The following CAND1 variants were observed in gnomAD, a reference collection of about 807,000 sequenced individuals.
CAND1 encodes cullin-associated NEDD8-dissociated protein 1.
Under a neutral mutation model 108.5 loss-of-function variants are expected in CAND1, and 7 were observed. That is an observed-to-expected ratio of 0.06 (90% CI 0.04 to 0.12). CAND1 has a LOEUF of 0.12. CAND1 is among the 10% of genes least tolerant of loss of function. The probability of loss-of-function intolerance (pLI) is 1.00; values close to 1 mark genes in which losing one functional copy is unlikely to be tolerated. For synonymous variants in CAND1, 534 were observed against 512.0 expected (o/e 1.04, Z -0.58); for missense variants, 941 against 1,448.7 (o/e 0.65, Z 5.69).
At chr12:67,302,200 G>T in intron 7 of CAND1, 123 bp from the exon 8 acceptor site, 1 of 755,658 alleles carries the variant, frequency 1.3e-6, no homozygotes, top group South Asian at 1.9e-5. Flanking sequence ...CCTACCTGTT[G>T]CTGTATATGT....
At chr12:67,310,512 C>T (rs1251296917) in intron 13 of CAND1, 196 bp downstream of exon 13, 1 of 405,648 alleles carries the variant, frequency 2.5e-6, no homozygotes, top group African/African-American at 2.0e-5. Flanking sequence ...GATCCAGAGC[C>T]CTTTTTATTG....
At position 67,269,658 on chromosome 12, in the gene CAND1, C is replaced by CGGCAGCGGCAGCG. The variant is rs1407709233; in HGVS notation, c.-53_-41dup. 6 of 1,459,580 alleles carry CGGCAGCGGCAGCG rather than the reference C, an allele frequency of 4.1e-6. No homozygotes were observed. The East Asian group carries it at 9.9e-5, about 24-fold the overall frequency. 90.4% of individuals were successfully genotyped at this position (1,459,580 alleles called of 1,614,324 possible). A position where few individuals can be genotyped will look rare whatever the true frequency, so the allele number is the denominator to read the frequency against. On this transcript the variant is annotated 5_prime_UTR_variant, in exon 1 of 15. Coordinates refer to ENST00000545606, the MANE Select transcript of CAND1 (RefSeq NM_018448.5). The stretch of plus-strand genomic sequence containing the variant: ...GGAGCTCCAGTGGCGGCGGCGGCGG[C>CGGCAGCGGCAGCG]GGCAGCGGCAGCGGGCAGCAGCTCC...
At chr12:67,275,462 G>A (rs2044560332) in intron 1 of CAND1, among the ~76,000 whole-genome samples, 1 of 152,106 alleles carries the variant, frequency 6.6e-6, no homozygotes, top group Non-Finnish European at 1.5e-5. Flanking sequence ...GCGAGGCAGA[G>A]GTTGCGTGAG....
At chr12:67,284,343 G>GTAT (rs1292455201) in intron 2 of CAND1, among the ~76,000 whole-genome samples, 1 of 151,644 alleles carries the variant, frequency 6.6e-6, no homozygotes, top group Non-Finnish European at 1.5e-5. Flanking sequence ...ATATAGCAGT[G>GTAT]TATTATTAGT....
intron 8 of CAND1, among the ~76,000 whole-genome samples, chr12:67,303,891 C>T (rs1033935092): frequency 6.6e-6 from 1 of 151,838 alleles, no homozygotes; most frequent in African/African-American, 2.4e-5. Flanking sequence ...GTCTTGTTTC[C>T]TTTGATTTTT....
chr12:67,314,955 C>T lies in CAND1; in HGVS notation c.*2125C>T, dbSNP rs1338548480. The T allele has an allele frequency of 6.6e-6, 1 of 152,138 alleles. No homozygotes were observed. The highest frequency in any genetic ancestry group is 2.4e-5 in the African/African-American group (1 of 41,414). The allele number at this position is 152,138 out of a possible 1,614,324, so 9.4% of individuals were successfully genotyped here. On this transcript the variant is annotated 3_prime_UTR_variant, in exon 15 of 15. Transcript: ENST00000545606. ...TCCATACTCCTAGTGGTGATGTGGTCCAGATACTGGAATGGAAGTGGCAGG... is the reference window on the plus strand; with the variant it reads ...TCCATACTCCTAGTGGTGATGTGGTTCAGATACTGGAATGGAAGTGGCAGG...
intron 11 of CAND1, 105 bp from the exon 12 acceptor site, chr12:67,309,796 C>A: frequency 1.3e-6 from 1 of 787,534 alleles, no homozygotes; most frequent in African/African-American, 1.8e-5. Flanking sequence ...GAAGAAATAA[C>A]AATGACACCA....
In CAND1 at chr12:67,305,021, A is replaced by G; in HGVS notation, c.1436-83A>G. ...AATAATATAATGAAGTGGGAACATT[A>G]GCAGTACTATAGGGGTTGATTTTTA... is the stretch of plus-strand genomic sequence containing the variant. On this transcript the variant is annotated intron_variant, in intron 9 of 14. Coordinates refer to ENST00000545606, the MANE Select transcript of CAND1 (RefSeq NM_018448.5). This position sits in a 1 kb window ranked among gnomAD's most constrained non-coding sequence, Gnocchi z 4.4. 9.0e-7 allele frequency: 1 copy of G among 1,112,182 alleles called. No homozygotes were observed. The highest frequency in any genetic ancestry group is 1.3e-6 in the Non-Finnish European group (1 of 781,118). 68.9% of individuals were successfully genotyped at this position (1,112,182 alleles called of 1,614,324 possible). A position where few individuals can be genotyped will look rare whatever the true frequency, so the allele number is the denominator to read the frequency against.
chr12:67,306,448 C>T lies in CAND1; in HGVS notation c.2780C>T (p.Pro927Leu), dbSNP rs1441788638. 6.2e-7 allele frequency: 1 copy of T among 1,613,878 alleles called. No homozygotes were observed. The highest frequency in any genetic ancestry group is 1.3e-5 in the African/African-American group (1 of 74,906). The change falls in exon 10 of 15, where the codon CCA becomes CTA. Residue 927 changes from proline (P) to leucine (L), a missense_variant. Physicochemically the swap from Pro to Leu is moderately conservative, Grantham distance 98. Transcript: ENST00000545606. Reference sequence around the variant, plus strand: ...TCTGCATCAGTGGTGGGCCTTAAACCATATGTTGAAAACATCTGGGCCTTA... The same window carrying T: ...TCTGCATCAGTGGTGGGCCTTAAACTATATGTTGAAAACATCTGGGCCTTA... Reference protein sequence around the residue: ...ISSASVVGLKPYVENIWALLL... With the variant: ...ISSASVVGLKLYVENIWALLL...
At position 67,302,391 on chromosome 12, in the gene CAND1, T is replaced by C. The variant is rs769385468; in HGVS notation, c.1069T>C (p.Leu357=). 3 of 1,614,126 alleles carry C rather than the reference T, an allele frequency of 1.9e-6. No individual in the cohort carries two copies. The highest frequency in any genetic ancestry group is 2.5e-6 in the Non-Finnish European group (3 of 1,179,958). Residue 357 remains leucine, a synonymous_variant, in exon 8 of 15, where the codon TTG becomes CTG. Transcript: ENST00000545606. ...WKVRRAAAKC[L]DAVVSTRHEM... is the part of the protein sequence containing the mutation. ...AGTGAGACGTGCAGCTGCGAAGTGC[T>C]TGGATGCTGTAGTTAGCACAAGGCA...
At position 67,305,372 on chromosome 12, in the gene CAND1, A is replaced by G. The variant is rs149462619; in HGVS notation, c.1704A>G (p.Leu568=). Residue 568 remains leucine, a synonymous_variant, in exon 10 of 15, where the codon CTA becomes CTG. Coordinates refer to ENST00000545606, the MANE Select transcript of CAND1 (RefSeq NM_018448.5). This position sits in a 1 kb window ranked among gnomAD's most constrained non-coding sequence, Gnocchi z 4.4. ...ATGCAACTCCTTATATCAAAGATCT[A>G]TTTACCTGTACCATTAAGAGATTAA... is the stretch of plus-strand genomic sequence containing the variant. ...SFDATPYIKD[L]FTCTIKRLKA... The G allele has an allele frequency of 2.4e-5, 38 of 1,614,030 alleles. No individual in the cohort carries two copies. In the African/African-American group the frequency reaches 4.5e-4, roughly 19 times the overall value.
In CAND1 at chr12:67,306,123, G is replaced by A. The variant is rs374777050; in HGVS notation, c.2455G>A (p.Gly819Ser). Residue 819 changes from glycine (G) to serine (S), a missense_variant, in exon 10 of 15, where the codon GGT (glycine) becomes AGT (serine). By Grantham distance (56) the Gly-to-Ser change is moderately conservative. Transcript: ENST00000545606. ...ACPKEGPAVV[G>S]QFIQDVKNSR... ...CCCTAAAGAGGGACCAGCTGTAGTA[G>A]GTCAGTTTATTCAAGATGTCAAGAA... is the stretch of plus-strand genomic sequence containing the variant. 29 of 1,613,972 alleles carry A rather than the reference G, an allele frequency of 1.8e-5. No individual in the cohort carries two copies. The highest frequency in any genetic ancestry group is 3.3e-4 in the Middle Eastern group (2 of 6,084).
At chr12:67,294,969 A>G (rs1030991564) in intron 3 of CAND1, 64 bp from the exon 4 acceptor site, 13 of 1,545,744 alleles carry the variant, frequency 8.4e-6, no homozygotes, top group Non-Finnish European at 1.1e-5. Flanking sequence ...GGTAACTACC[A>G]TGAATATAAG....
At position 67,269,470 on chromosome 12, in the gene CAND1, C is replaced by G. The variant is rs2044494348; in HGVS notation, c.-248C>G. Reference sequence around the variant, plus strand: ...ACGCCCCGCCGCCCATGAGCTCGTTCTCACGCGAACAGCGCCGTCGTTAGG... The same window carrying G: ...ACGCCCCGCCGCCCATGAGCTCGTTGTCACGCGAACAGCGCCGTCGTTAGG... On this transcript the variant is annotated 5_prime_UTR_variant, in exon 1 of 15. Transcript: ENST00000545606. 2.0e-6 allele frequency: 1 copy of G among 509,666 alleles called. No homozygotes were observed. Among genetic ancestry groups the G allele is most frequent in the Non-Finnish European group, 3.4e-6 (1 of 292,894 alleles). The allele number at this position is 509,666 out of a possible 1,614,324, so 31.6% of individuals were successfully genotyped here.
intron 1 of CAND1, 61 bp from the exon 2 acceptor site, chr12:67,281,849 A>G: frequency 2.4e-6 from 3 of 1,231,514 alleles, no homozygotes; most frequent in Non-Finnish European, 2.2e-6. Context: ...TTGAAAAATC[A>G]TTATCTTTTT....
intron 1 of CAND1, among the ~76,000 whole-genome samples, chr12:67,279,226 A>AC (rs1433331674): frequency 6.6e-6 from 1 of 151,754 alleles, no homozygotes; most frequent in African/African-American, 2.4e-5. Context: ...TCCCATGCAA[A>AC]CCCCTGTTCA....
chr12:67,289,600 T>G (rs1022788151), intron 2 of CAND1, among the ~76,000 whole-genome samples: 2 of 152,218 alleles, frequency 1.3e-5, no homozygotes, highest in Non-Finnish European at 1.5e-5. Flanking sequence ...TTGCCCAGGC[T>G]GGGCAAGCTC....
chr12:67,311,886 A>T, intron 14 of CAND1, 86 bp downstream of exon 14: 1 of 779,458 alleles, frequency 1.3e-6, no homozygotes, highest in Non-Finnish European at 2.3e-6. Context: ...TCCAAATATA[A>T]CTATTCCAGT....
chr12:67,305,054 T>G lies in CAND1; in HGVS notation c.1436-50T>G. 1 of 1,495,228 alleles carries G rather than the reference T, an allele frequency of 6.7e-7. No individual in the cohort carries two copies. The highest frequency in any genetic ancestry group is 9.0e-7 in the Non-Finnish European group (1 of 1,110,066). 92.6% of individuals were successfully genotyped at this position (1,495,228 alleles called of 1,614,324 possible). On this transcript the variant is annotated intron_variant, in intron 9 of 14. Transcript: ENST00000545606. The surrounding 1 kb of genome is among the most constrained non-coding windows in gnomAD (Gnocchi z 4.4). Reference sequence around the variant, plus strand: ...TATAGGGGTTGATTTTTAATTTTTCTTTCTTAAAAGTCTGCACAGCAATGA... The same window carrying G: ...TATAGGGGTTGATTTTTAATTTTTCGTTCTTAAAAGTCTGCACAGCAATGA...
Sources: gnomAD v4.1 joint callset for allele counts (sites outside exome capture counted in the v4.1 genomes callset) on GRCh38, gnomAD v4.1.1 for gene constraint, Gnocchi (gnomAD v3.1) non-coding constraint, MANE v1.5 for transcripts, NCBI Gene and HGNC (gene_info 2026-07-23, HGNC 2026-07-21) for gene names.